The following ESRRG variants were observed in gnomAD, a reference collection of about 807,000 sequenced individuals.
ESRRG encodes estrogen related receptor gamma, also known as estrogen-related receptor gamma.
A neutral mutation model predicts 44.0 loss-of-function variants in ESRRG; 13 were observed. That is an observed-to-expected ratio of 0.30 (90% CI 0.19 to 0.47). The LOEUF (loss-of-function observed/expected upper bound fraction) is 0.47. ESRRG is among the 20% of genes least tolerant of loss of function. The pLI, the probability that ESRRG is intolerant of heterozygous loss-of-function variation, is 1.00. For synonymous variants in ESRRG, 215 were observed against 214.6 expected (o/e 1.00, Z -0.02); for missense variants, 395 against 580.6 (o/e 0.68, Z 3.29).
At chr1:216,917,897 A>T (rs1009986130) in intron 2 of ESRRG, among the ~76,000 whole-genome samples, 44 of 152,332 alleles carry the variant, frequency 2.9e-4, no homozygotes, top group African/African-American at 1.0e-3. Context: ...TTTTAAATAT[A>T]GTATATGTAG....
intron 1 of ESRRG, among the ~76,000 whole-genome samples, chr1:217,051,488 C>T (rs1321338004): frequency 6.6e-6 from 1 of 152,146 alleles, no homozygotes; most frequent in Non-Finnish European, 1.5e-5. Flanking sequence ...CTGCAACATC[C>T]AAATAACTTT....
In ESRRG at chr1:216,826,906, T is replaced by C. The variant is rs570991470; in HGVS notation, c.-14+112676A>G. ...AATCAGTTGATCACGTGAAGTGACC[T>C]TCAGTATCTACAATTTTCATGAGGG... On this transcript the variant is annotated intron_variant, in intron 2 of 7. Transcript: ENST00000359162. Among the ~76,000 whole-genome samples the C allele has an allele frequency of 2.0e-5, 3 of 152,282 alleles. No individual in the cohort carries two copies. In the East Asian group the frequency reaches 5.8e-4, roughly 29 times the overall value.
At chr1:216,703,179 G>A (rs1172395371) in intron 1 of ESRRG, among the ~76,000 whole-genome samples, 1 of 151,764 alleles carries the variant, frequency 6.6e-6, no homozygotes, top group Admixed American at 6.6e-5. Flanking sequence ...TACTGTTCTT[G>A]CAGTTAACCA....
intron 1 of ESRRG, among the ~76,000 whole-genome samples, chr1:216,964,413 A>G (rs982568245): frequency 4.6e-5 from 7 of 152,100 alleles, no homozygotes; most frequent in African/African-American, 1.7e-4. Flanking sequence ...CCCAAAGGAC[A>G]CTGTATAGCC....
intron 2 of ESRRG, among the ~76,000 whole-genome samples, chr1:216,784,542 A>G (rs2094053726): frequency 6.6e-6 from 1 of 152,104 alleles, no homozygotes; most frequent in African/African-American, 2.4e-5. Flanking sequence ...AAGTTCATAA[A>G]ACATAACAAT....
chr1:216,940,978 G>A (rs773002172), intron 1 of ESRRG, among the ~76,000 whole-genome samples: 4 of 152,270 alleles, frequency 2.6e-5, no homozygotes, highest in South Asian at 2.1e-4. Context: ...ACAAGAGAAC[G>A]AGGAGGTTTC....
At chr1:217,041,827 T>C (rs895889617) in intron 1 of ESRRG, among the ~76,000 whole-genome samples, 1 of 152,238 alleles carries the variant, frequency 6.6e-6, no homozygotes, top group Non-Finnish European at 1.5e-5. Context: ...TGTTCTAATT[T>C]TATTTTTTAT....
intron 3 of ESRRG, among the ~76,000 whole-genome samples, chr1:216,628,754 G>A (rs547447905): frequency 6.6e-4 from 101 of 152,136 alleles, no homozygotes; most frequent in African/African-American, 2.4e-3. Context: ...ACAAGAAAAA[G>A]CAAAACCTTC....
rs1055939319 is a variant in ESRRG, at chr1:216,756,290, C to T, written c.-13-78799G>A. On this transcript the variant is annotated intron_variant, in intron 2 of 7. Transcript: ENST00000359162. ...GGGTTTTTTCTCTTCTTTTTGTATT[C>T]TAGGATATCAGAATGACATGTTATG... Among the ~76,000 whole-genome samples, 4 of 151,686 alleles carry T rather than the reference C, an allele frequency of 2.6e-5. No individual in the cohort carries two copies. The East Asian group carries it at 7.7e-4, about 29-fold the overall frequency.
In ESRRG at chr1:216,670,533, C is replaced by T. The variant is rs144470759; in HGVS notation, c.472+6543G>A. Among the ~76,000 whole-genome samples the T allele has an allele frequency of 3.5e-3, 532 of 152,302 alleles. 6 individuals carry two copies. Among genetic ancestry groups the T allele is most frequent in the African/African-American group, 0.012 (510 of 41,568 alleles). The stretch of plus-strand genomic sequence containing the variant: ...CACTCAAAGTGTGAAGGGAAAAAAG[C>T]CCAGCTGGAGCCGTCCCCTGCGTAC... On this transcript the variant is annotated intron_variant, in intron 2 of 6. Coordinates refer to ENST00000408911, the MANE Select transcript of ESRRG (RefSeq NM_001438.4).
chr1:216,808,876 A>G (rs990563670), intron 2 of ESRRG, among the ~76,000 whole-genome samples: 3 of 152,186 alleles, frequency 2.0e-5, no homozygotes, highest in Non-Finnish European at 2.9e-5. Context: ...ATCAAGTTTC[A>G]TATGATATAA....
intron 1 of ESRRG, among the ~76,000 whole-genome samples, chr1:217,132,435 A>T (rs1468270887): frequency 6.6e-6 from 1 of 152,198 alleles, no homozygotes; most frequent in Non-Finnish European, 1.5e-5. Context: ...AGGAATTGCA[A>T]GTGGGATTGA....
chr1:216,566,086 T>A (rs977455405), intron 4 of ESRRG, among the ~76,000 whole-genome samples: 3 of 152,006 alleles, frequency 2.0e-5, no homozygotes, highest in African/African-American at 7.2e-5. Flanking sequence ...GAAATTCCCA[T>A]CATTCAGAAA....
chr1:216,812,229 G>C (rs1326756327), intron 2 of ESRRG, among the ~76,000 whole-genome samples: 1 of 152,126 alleles, frequency 6.6e-6, no homozygotes, highest in African/African-American at 2.4e-5. Context: ...GTAAATCCTT[G>C]ATTTTTTTAA....
At chr1:216,783,927 T>C (rs2094027935) in intron 2 of ESRRG, among the ~76,000 whole-genome samples, 1 of 152,098 alleles carries the variant, frequency 6.6e-6, no homozygotes, top group Non-Finnish European at 1.5e-5. Flanking sequence ...GGTTTCAAAA[T>C]CATATTAGCT....
intron 1 of ESRRG, among the ~76,000 whole-genome samples, chr1:216,695,411 A>T (rs999912067): frequency 2.6e-5 from 4 of 152,206 alleles, no homozygotes; most frequent in African/African-American, 2.4e-5. Context: ...TACAATAGTT[A>T]TGCAAATAGT....
intron 1 of ESRRG, among the ~76,000 whole-genome samples, chr1:216,689,307 A>G (rs2078625301): frequency 6.6e-6 from 1 of 152,112 alleles, no homozygotes; most frequent in Non-Finnish European, 1.5e-5. Context: ...CATTTAGTCA[A>G]CTGGCTCACT....
chr1:216,850,523 G>T (rs571066185), intron 2 of ESRRG, among the ~76,000 whole-genome samples: 2 of 152,128 alleles, frequency 1.3e-5, no homozygotes, highest in African/African-American at 2.4e-5. Flanking sequence ...CTGGAAACAG[G>T]CTAAAAATAA....
chr1:217,030,194 C>T (rs2081872638), intron 1 of ESRRG, among the ~76,000 whole-genome samples: 2 of 151,978 alleles, frequency 1.3e-5, no homozygotes, highest in African/African-American at 2.4e-5. Flanking sequence ...ATGGACATGA[C>T]CATAAACCAA....
Sources: gnomAD v4.1 joint callset for allele counts (sites outside exome capture counted in the v4.1 genomes callset) on GRCh38, gnomAD v4.1.1 for gene constraint, MANE v1.5 for transcripts, NCBI Gene and HGNC (gene_info 2026-07-23, HGNC 2026-07-21) for gene names.